ITGB5: variants seen among roughly 807,000 people sequenced by gnomAD.
ITGB5 encodes the protein integrin subunit beta 5.
A neutral mutation model predicts 84.8 loss-of-function variants in ITGB5; 38 were observed. The observed-to-expected ratio is 0.45, with a 90% CI of 0.35 to 0.59. The LOEUF is 0.59. Ranked by LOEUF, ITGB5 falls within the 20% of genes least tolerant of loss-of-function variation. ITGB5 has a pLI of 0.01. For synonymous variants in ITGB5, 393 were observed against 414.4 expected (o/e 0.95, Z 0.63); for missense variants, 905 against 1,034.5 (o/e 0.87, Z 1.72).
intron 5 of ITGB5, among the ~76,000 whole-genome samples, chr3:124,826,204 G>A (rs976193686): frequency 1.3e-5 from 2 of 152,118 alleles, no homozygotes; most frequent in African/African-American, 4.8e-5. Context: ...TCTTTAATAG[G>A]CGGGCACAAC....
At chr3:124,897,505 C>T (rs949771841) in intron 1 of ITGB5, among the ~76,000 whole-genome samples, 4 of 152,134 alleles carry the variant, frequency 2.6e-5, no homozygotes, top group Admixed American at 6.5e-5. Context: ...TATTACTCAA[C>T]TCCCTGAGAG....
intron 2 of ITGB5, among the ~76,000 whole-genome samples, chr3:124,869,447 G>A (rs572309032): frequency 5.3e-5 from 8 of 152,166 alleles, no homozygotes; most frequent in South Asian, 2.1e-4. Context: ...ATGGTGGCAC[G>A]CGCCTGTAAT....
intron 2 of ITGB5, among the ~76,000 whole-genome samples, chr3:124,859,832 C>T (rs2065272202): frequency 6.6e-6 from 1 of 152,072 alleles, no homozygotes; most frequent in Admixed American, 6.6e-5. Flanking sequence ...CCTGTAATCC[C>T]AGCTATTTGG....
chr3:124,852,005 T>C (rs1201353801), intron 3 of ITGB5, among the ~76,000 whole-genome samples: 2 of 152,156 alleles, frequency 1.3e-5, no homozygotes, highest in African/African-American at 4.8e-5. Flanking sequence ...AGGTCTTGGG[T>C]ATGTTTTCCA....
intron 5 of ITGB5, chr3:124,833,096 A>T (rs1172278799): frequency 1.3e-5 from 2 of 152,164 alleles, no homozygotes; most frequent in Non-Finnish European, 2.9e-5. Context: ...TATCTTTTTT[A>T]AAAAAATCTG....
intron 3 of ITGB5, among the ~76,000 whole-genome samples, chr3:124,850,921 T>G (rs1392489694): frequency 6.6e-6 from 1 of 152,194 alleles, no homozygotes; most frequent in Non-Finnish European, 1.5e-5. Context: ...GGCCCTTGCA[T>G]GGGCAGACAA....
rs149037818 is a variant in ITGB5 at position 124,796,725 on chromosome 3, G to A, written c.1356C>T (p.Ser452=). ...AGTTGTAGGTGACCCCCACCTCCAG[G>A]CTGTCCCGGAATCCCACCGGCCGCA... The part of the protein sequence containing the change: ...FALRPVGFRD[S]LEVGVTYNCT... The change falls in exon 10 of 15, where the codon AGC becomes AGT. Residue 452 remains serine (S), a synonymous_variant. Transcript: ENST00000296181. 1.9e-6 allele frequency: 3 copies of A among 1,614,006 alleles called. No individual in the cohort carries two copies. The highest frequency in any genetic ancestry group is 2.5e-6 in the Non-Finnish European group (3 of 1,180,044).
chr3:124,870,916 G>C (rs538739963), intron 2 of ITGB5, among the ~76,000 whole-genome samples: 1 of 152,038 alleles, frequency 6.6e-6, no homozygotes, highest in East Asian at 1.9e-4. Flanking sequence ...TTTGAGACAG[G>C]GTCTTGCTTT....
upstream of ITGB5, among the ~76,000 whole-genome samples, chr3:124,888,482 G>A (rs1422093912): frequency 6.6e-6 from 1 of 152,154 alleles, no homozygotes; most frequent in Non-Finnish European, 1.5e-5. Flanking sequence ...AGAGTGGAGT[G>A]GTTGATAGGC....
At chr3:124,799,972 G>T (rs1337798413) in intron 9 of ITGB5, among the ~76,000 whole-genome samples, 2 of 152,212 alleles carry the variant, frequency 1.3e-5, no homozygotes, top group African/African-American at 2.4e-5. Flanking sequence ...TAAGAGTGGG[G>T]ACTATGCCTG....
In ITGB5 at chr3:124,824,457, T is replaced by C. The variant is rs758892524; in HGVS notation, c.781-2983A>G. Among the ~76,000 whole-genome samples, 9 of 152,216 alleles carry C rather than the reference T, an allele frequency of 5.9e-5. 1 individual carries two copies. The highest frequency in any genetic ancestry group is 1.2e-4 in the African/African-American group (5 of 41,464). On this transcript the variant is annotated intron_variant, in intron 5 of 14. Coordinates refer to ENST00000296181, the MANE Select transcript of ITGB5 (RefSeq NM_002213.5). ...CTGAAGGAAACCTAGGAGAAAATCTTTGTGACTGTGACATAGGCAAAGATT... is the reference window on the plus strand; with the variant it reads ...CTGAAGGAAACCTAGGAGAAAATCTCTGTGACTGTGACATAGGCAAAGATT...
chr3:124,809,169 A>T lies in ITGB5; in HGVS notation c.1129-13T>A. 1.2e-6 allele frequency: 2 copies of T among 1,613,808 alleles called. No homozygotes were observed. ...TAGACCGGATACTCTGAATGGAGAG[A>T]GAAAATGAAGCCCAACCATTTAATA... On this transcript the variant is annotated splice_polypyrimidine_tract_variant and intron_variant, in intron 8 of 14. Transcript: ENST00000296181.
At chr3:124,857,951 T>C (rs899872035) in intron 3 of ITGB5, among the ~76,000 whole-genome samples, 1 of 152,022 alleles carries the variant, frequency 6.6e-6, no homozygotes, top group East Asian at 1.9e-4. Flanking sequence ...CTGGCCAACA[T>C]GGTGAAACCC....
chr3:124,766,238 G>A lies in ITGB5; in HGVS notation c.2125C>T (p.Leu709Phe). Residue 709 changes from leucine to phenylalanine, a missense_variant, in exon 13 of 15, where the codon CTC becomes TTC. Physicochemically the swap from Leu to Phe is conservative, Grantham distance 22. This residue lies in a region of ITGB5 where 133 missense variants were observed against 122.8 expected (regional missense o/e 1.08). Transcript: ENST00000296181. ...LPSGKSNLTV[L>F]REPECGNTPN... Reference sequence around the variant, plus strand: ...AGCCCTCACCTACCTGGCTCCCTGAGGACGGTCAGGTTGGACTTCCCACTG... The same window carrying A: ...AGCCCTCACCTACCTGGCTCCCTGAAGACGGTCAGGTTGGACTTCCCACTG... The A allele has an allele frequency of 1.9e-6, 3 of 1,613,926 alleles. No individual in the cohort carries two copies. Among genetic ancestry groups the A allele is most frequent in the Non-Finnish European group, 2.5e-6 (3 of 1,179,960 alleles).
chr3:124,833,890 A>G (rs1005088649), intron 5 of ITGB5, among the ~76,000 whole-genome samples: 4 of 152,222 alleles, frequency 2.6e-5, no homozygotes, highest in Non-Finnish European at 4.4e-5. Flanking sequence ...CTTCAAATAA[A>G]TAAAAATAAG....
At chr3:124,888,947 G>A (rs766538496), upstream of ITGB5, among the ~76,000 whole-genome samples, 1 of 152,150 alleles carries the variant, frequency 6.6e-6, no homozygotes, top group East Asian at 1.9e-4. Flanking sequence ...GTGTGCCTGG[G>A]GGCAAAGATG....
intron 1 of ITGB5, among the ~76,000 whole-genome samples, chr3:124,882,198 G>A (rs559640414): frequency 6.6e-6 from 1 of 152,296 alleles, no homozygotes; most frequent in East Asian, 1.9e-4. Context: ...ATACAGAGAT[G>A]AATAAAACCA....
intron 2 of ITGB5, among the ~76,000 whole-genome samples, chr3:124,866,642 G>A (rs2107630095): frequency 6.6e-6 from 1 of 152,328 alleles, no homozygotes; most frequent in African/African-American, 2.4e-5. Context: ...AGAGCCCAGG[G>A]GAGAAGTGGA....
intron 1 of ITGB5, among the ~76,000 whole-genome samples, chr3:124,875,255 A>C (rs961881188): frequency 2.0e-5 from 3 of 152,140 alleles, no homozygotes; most frequent in African/African-American, 4.8e-5. Context: ...AGGTGGGTGG[A>C]TCACCTAAGA....
Sources: allele counts gnomAD v4.1 joint callset (sites outside exome capture counted in the v4.1 genomes callset), GRCh38; gene constraint gnomAD v4.1.1; regional missense constraint gnomAD v4.1.1; transcripts MANE v1.5; gene names NCBI Gene and HGNC (gene_info 2026-07-23, HGNC 2026-07-21).